Variants in SLC16A1 observed in about 807,000 individuals in gnomAD.
SLC16A1 encodes solute carrier family 16 member 1, also known as monocarboxylate transporter 1.
In SLC16A1, 11 loss-of-function variants were observed where a neutral mutation model predicts 32.2. The observed-to-expected ratio is 0.34, with a 90% CI of 0.21 to 0.56. The LOEUF is 0.56. Among genes scored for constraint, SLC16A1 ranks in the 20% least tolerant of loss-of-function variants. SLC16A1 has a pLI of 0.87. For missense variants in SLC16A1, 435 were observed against 615.0 expected (o/e 0.71, Z 3.10); for synonymous variants, 231 against 226.8 (o/e 1.02, Z -0.17).
intron 1 of SLC16A1, among the ~76,000 whole-genome samples, chr1:112,953,508 A>G (rs1420225221): frequency 6.6e-6 from 1 of 152,164 alleles, no homozygotes; most frequent in East Asian, 1.9e-4. Context: ...GCGCTCCTTT[A>G]AAATTTTTTT....
chr1:112,916,325 C>T (rs1407609050), intron 4 of SLC16A1, among the ~76,000 whole-genome samples: 3 of 151,008 alleles, frequency 2.0e-5, no homozygotes, highest in Non-Finnish European at 4.4e-5. Context: ...CATGGTGAAA[C>T]CGTCTCTACT....
chr1:112,951,326 T>C (rs1649883999), intron 1 of SLC16A1, among the ~76,000 whole-genome samples: 1 of 150,120 alleles, frequency 6.7e-6, no homozygotes, highest in African/African-American at 2.5e-5. Context: ...AGGAGAAATA[T>C]TAAGAAGATT....
chr1:112,934,728 A>G lies in SLC16A1; in HGVS notation c.-44-5376T>C, dbSNP rs755064713. On this transcript the variant is annotated intron_variant, in intron 1 of 4. Transcript: ENST00000369626. ...ATAAAGAAAAGGAGACAAGAGGAGG[A>G]CAGAAGATTCTTCTGAGAATTCACA... Among the ~76,000 whole-genome samples the G allele has an allele frequency of 2.5e-4, 38 of 152,160 alleles. 1 individual carries two copies. The highest frequency in any genetic ancestry group is 2.0e-3 in the Admixed American group (31 of 15,274).
At chr1:112,919,982 A>C (rs1421176063) in intron 3 of SLC16A1, among the ~76,000 whole-genome samples, 2 of 152,154 alleles carry the variant, frequency 1.3e-5, no homozygotes, top group Non-Finnish European at 2.9e-5. Flanking sequence ...CCTATTAAAG[A>C]GTGTAACTGC....
intron 1 of SLC16A1, among the ~76,000 whole-genome samples, chr1:112,953,984 C>T (rs1308446096): frequency 6.6e-6 from 1 of 152,206 alleles, no homozygotes; most frequent in Admixed American, 6.5e-5. Flanking sequence ...TCCAGCTAGA[C>T]TATAACTCTA....
At chr1:112,920,410 A>T (rs1216472943) in intron 3 of SLC16A1, among the ~76,000 whole-genome samples, 1 of 152,160 alleles carries the variant, frequency 6.6e-6, no homozygotes, top group Non-Finnish European at 1.5e-5. Context: ...GTTTGAGACC[A>T]GCCTGCACAA....
intron 3 of SLC16A1, among the ~76,000 whole-genome samples, chr1:112,919,164 G>A (rs1648625536): frequency 6.6e-6 from 1 of 151,878 alleles, no homozygotes; most frequent in Admixed American, 6.6e-5. Flanking sequence ...CCGAGTAGCT[G>A]GGACTACAGG....
chr1:112,943,787 CAAA>C (rs60946516), intron 1 of SLC16A1, among the ~76,000 whole-genome samples: 2 of 49,482 alleles, frequency 4.0e-5, no homozygotes, highest in Non-Finnish European at 5.3e-5. Context: ...GACTCCATCT[CAAA>C]AAAAAAAAAA....
intron 4 of SLC16A1, among the ~76,000 whole-genome samples, chr1:112,914,659 A>G (rs1469981160): frequency 6.6e-6 from 1 of 152,246 alleles, no homozygotes; most frequent in African/African-American, 2.4e-5. Context: ...TAACAGGCAG[A>G]TTCTATTATC....
At chr1:112,922,273 G>A (rs929066386) in intron 2 of SLC16A1, 140 bp from the exon 3 acceptor site, 3 of 768,004 alleles carry the variant, frequency 3.9e-6, no homozygotes, top group Admixed American at 2.3e-5. Context: ...AATTACTTCT[G>A]AGTCACATGT....
chr1:112,918,087 AATAAATAAATAAATAATAAGAGGT>A, intron 3 of SLC16A1, 43 bp from the exon 4 acceptor site: 1 of 1,115,808 alleles, frequency 9.0e-7, no homozygotes, highest in South Asian at 3.2e-5. Context: ...TAAATAAATA[AATAAATAAATAAATAATAAGAGGT>A]ATAAATAATG....
intron 2 of SLC16A1, chr1:112,923,419 CA>C (rs1332904709): frequency 1.5e-6 from 1 of 662,698 alleles, no homozygotes; most frequent in Admixed American, 2.1e-5. Context: ...CTGTTGCCGC[CA>C]TCATGTCCCG....
chr1:112,928,202 C>G (rs1476085263), intron 2 of SLC16A1, among the ~76,000 whole-genome samples: 1 of 152,168 alleles, frequency 6.6e-6, no homozygotes, highest in African/African-American at 2.4e-5. Context: ...TCCATGGCAG[C>G]CAGTTACCTG....
intron 3 of SLC16A1, among the ~76,000 whole-genome samples, chr1:112,919,011 TTTTATTTA>T (rs55675593): frequency 2.4e-4 from 34 of 144,292 alleles, no homozygotes; most frequent in South Asian, 8.8e-4. Context: ...TACTAATTTA[TTTTATTTA>T]TTTATTTATT....
At chr1:112,951,969 G>T (rs961617455) in intron 1 of SLC16A1, among the ~76,000 whole-genome samples, 1 of 152,066 alleles carries the variant, frequency 6.6e-6, no homozygotes, top group Admixed American at 6.6e-5. Flanking sequence ...GTGAAATAAT[G>T]AAAACAGGCT....
chr1:112,946,797 C>T (rs1292405388), intron 1 of SLC16A1, among the ~76,000 whole-genome samples: 3 of 152,222 alleles, frequency 2.0e-5, no homozygotes, highest in Non-Finnish European at 4.4e-5. Context: ...AGATGATCCA[C>T]CCAACTCAGC....
At chr1:112,925,713 G>A (rs1648916574) in intron 2 of SLC16A1, among the ~76,000 whole-genome samples, 1 of 152,130 alleles carries the variant, frequency 6.6e-6, no homozygotes, top group Non-Finnish European at 1.5e-5. Context: ...GGTATAATCT[G>A]TAATTTGCCT....
chr1:112,912,558 C>T lies in SLC16A1; in HGVS notation c.*1333G>A, dbSNP rs1392447788. Reference sequence around the variant, plus strand: ...ATTCTGGTCCACCTTCCCTCCTTATCCTTATACTGAATCCATTTCTCTACT... The same window carrying T: ...ATTCTGGTCCACCTTCCCTCCTTATTCTTATACTGAATCCATTTCTCTACT... On this transcript the variant is annotated 3_prime_UTR_variant, in exon 5 of 5. Coordinates refer to ENST00000369626, the MANE Select transcript of SLC16A1 (RefSeq NM_003051.4). 1.3e-5 allele frequency: 2 copies of T among 152,104 alleles called. No individual in the cohort carries two copies. The highest frequency in any genetic ancestry group is 4.8e-5 in the African/African-American group (2 of 41,416). The allele number at this position is 152,104 out of a possible 1,614,324, so 9.4% of individuals were successfully genotyped here. A position where few individuals can be genotyped will look rare whatever the true frequency, so the allele number is the denominator to read the frequency against.
At chr1:112,940,736 TA>T (rs748924927) in intron 1 of SLC16A1, among the ~76,000 whole-genome samples, 7 of 152,180 alleles carry the variant, frequency 4.6e-5, no homozygotes, top group Non-Finnish European at 8.8e-5. Context: ...TATACTTTGA[TA>T]AAAAGTATGC....
Sources: allele counts gnomAD v4.1 joint callset (sites outside exome capture counted in the v4.1 genomes callset), GRCh38; gene constraint gnomAD v4.1.1; transcripts MANE v1.5; gene names NCBI Gene and HGNC (gene_info 2026-07-23, HGNC 2026-07-21).